EXOC4: variants seen among roughly 807,000 people sequenced by gnomAD.
The protein encoded by EXOC4 is exocyst complex component 4.
A neutral mutation model predicts 107.2 loss-of-function variants in EXOC4; 71 were observed. The ratio of observed to expected loss-of-function variants is 0.66; its 90% CI spans 0.55 to 0.81. The LOEUF (loss-of-function observed/expected upper bound fraction) is 0.81. Among genes scored for constraint, EXOC4 ranks in the 30% least tolerant of loss-of-function variants. EXOC4 has a pLI of 0.00. For synonymous variants in EXOC4, 456 were observed against 441.2 expected, an observed-to-expected ratio of 1.03 and a Z score of -0.42; for missense variants, 1,108 against 1,189.6, an observed-to-expected ratio of 0.93 and a Z score of 1.01.
At chr7:134,044,013 C>A (rs768165327) in intron 17 of EXOC4, among the ~76,000 whole-genome samples, 6 of 152,312 alleles carry the variant, frequency 3.9e-5, no homozygotes, top group African/African-American at 7.2e-5. Context: ...GGAACTGGAT[C>A]AGCAGTTTGG....
At chr7:133,728,911 GA>G (rs1251261631) in intron 10 of EXOC4, among the ~76,000 whole-genome samples, 1 of 152,134 alleles carries the variant, frequency 6.6e-6, no homozygotes, top group African/African-American at 2.4e-5. Flanking sequence ...TTAGCTATTA[GA>G]AAGCCTTCCT....
chr7:133,446,769 C>T (rs1330682921), intron 7 of EXOC4, among the ~76,000 whole-genome samples: 5 of 152,174 alleles, frequency 3.3e-5, no homozygotes, highest in Admixed American at 3.3e-4. Flanking sequence ...CCAGTAGTCA[C>T]TGAGAGGACT....
chr7:133,912,234 A>G (rs1367111115), intron 12 of EXOC4, among the ~76,000 whole-genome samples: 1 of 152,120 alleles, frequency 6.6e-6, no homozygotes, highest in African/African-American at 2.4e-5. Flanking sequence ...CCAAAGGGAG[A>G]GATCATTGTA....
At chr7:133,727,388 CT>C in intron 10 of EXOC4, 1 of 159,114 alleles carries the variant, frequency 6.3e-6, no homozygotes. Context: ...GGGACACCAC[CT>C]TCTAATGGAT....
intron 7 of EXOC4, among the ~76,000 whole-genome samples, chr7:133,443,055 T>C (rs1311504645): frequency 6.6e-6 from 1 of 151,970 alleles, no homozygotes; most frequent in African/African-American, 2.4e-5. Flanking sequence ...AGTAGTGGAG[T>C]GAGAAGCCCC....
intron 9 of EXOC4, among the ~76,000 whole-genome samples, chr7:133,572,308 T>A (rs1801040315): frequency 6.6e-6 from 1 of 152,166 alleles, no homozygotes; most frequent in African/African-American, 2.4e-5. Flanking sequence ...GCTTTGTCAA[T>A]TCCTCCAAAT....
chr7:133,620,835 GAGA>G (rs1190512246), intron 9 of EXOC4, among the ~76,000 whole-genome samples: 2 of 152,208 alleles, frequency 1.3e-5, no homozygotes, highest in African/African-American at 2.4e-5. Flanking sequence ...AGAGTGGAAA[GAGA>G]AGAATTACTG....
At chr7:133,669,196 G>A (rs1401456745) in intron 10 of EXOC4, among the ~76,000 whole-genome samples, 1 of 151,988 alleles carries the variant, frequency 6.6e-6, no homozygotes, top group Non-Finnish European at 1.5e-5. Context: ...TGGAGGGAGG[G>A]GTAAGGAGCC....
intron 17 of EXOC4, among the ~76,000 whole-genome samples, chr7:134,063,470 C>A (rs182623095): frequency 1.8e-3 from 271 of 152,290 alleles, no homozygotes; most frequent in Middle Eastern, 0.01. Flanking sequence ...TGGTCAGTCC[C>A]TGTCTTTGTG....
intron 14 of EXOC4, among the ~76,000 whole-genome samples, chr7:133,941,298 A>G (rs1475556036): frequency 2.6e-5 from 4 of 152,104 alleles, no homozygotes; most frequent in African/African-American, 9.7e-5. Context: ...CGCCTGGCCG[A>G]AAATTATTTT....
intron 10 of EXOC4, among the ~76,000 whole-genome samples, chr7:133,679,969 G>A (rs1011827527): frequency 6.6e-6 from 1 of 152,128 alleles, no homozygotes; most frequent in African/African-American, 2.4e-5. Flanking sequence ...TATAAATTGG[G>A]TGAAAGTCCT....
intron 11 of EXOC4, 132 bp downstream of exon 11, chr7:133,817,676 GGC>G (rs1797406211): frequency 2.8e-5 from 18 of 633,288 alleles, no homozygotes; most frequent in Non-Finnish European, 4.3e-5. Flanking sequence ...AAAATAAATA[GGC>G]ACTAGGGAAA....
At chr7:133,594,519 G>A (rs959326660) in intron 9 of EXOC4, among the ~76,000 whole-genome samples, 18 of 12,030 alleles carry the variant, frequency 1.5e-3, no homozygotes, top group African/African-American at 3.9e-3. Flanking sequence ...TTTTTGAGAC[G>A]GAGTCTCGCT....
intron 7 of EXOC4, among the ~76,000 whole-genome samples, chr7:133,421,261 A>G (rs2150759238): frequency 6.6e-6 from 1 of 152,234 alleles, no homozygotes; most frequent in East Asian, 1.9e-4. Context: ...CCTTCCTACC[A>G]ATAGTAGTGT....
intron 7 of EXOC4, among the ~76,000 whole-genome samples, chr7:133,457,136 G>A (rs2150818251): frequency 6.6e-6 from 1 of 152,296 alleles, no homozygotes; most frequent in South Asian, 2.1e-4. Context: ...ATTTGATTTA[G>A]TGAAGGGAAA....
In EXOC4 at chr7:133,790,173, G is replaced by A. The variant is rs114744596; in HGVS notation, c.1515-27152G>A. On this transcript the variant is annotated intron_variant, in intron 10 of 17. Coordinates refer to ENST00000253861, the MANE Select transcript of EXOC4 (RefSeq NM_021807.4). The stretch of plus-strand genomic sequence containing the variant: ...TGGTCAATGAATCAGTGGTTGCTGA[G>A]TGAACTGCACTTCCCCCAGCTGGAG... 2.4e-3 allele frequency among the ~76,000 whole-genome samples: 362 copies of A among 152,324 alleles called. 5 individuals carry two copies. The highest frequency in any genetic ancestry group is 8.1e-3 in the African/African-American group (338 of 41,568).
chr7:134,069,373 T>TCTC (rs1164902242), downstream of EXOC4, among the ~76,000 whole-genome samples: 3 of 116,178 alleles, frequency 2.6e-5, no homozygotes. Flanking sequence ...TCCTCCCTCT[T>TCTC]CTCCTCCTTC....
rs893749396 is a variant in EXOC4 at position 133,678,674 on chromosome 7, G to A, written c.1514+48533G>A. On this transcript the variant is annotated intron_variant, in intron 10 of 17. Transcript: ENST00000253861. The stretch of plus-strand genomic sequence containing the variant: ...TGCCCAGGCTGGAGTACAGTGGTAT[G>A]AACACAACTCCCTGTATCCTCAACC... 2.6e-5 allele frequency among the ~76,000 whole-genome samples: 4 copies of A among 151,436 alleles called. No individual in the cohort carries two copies. In the East Asian group the frequency reaches 5.9e-4, roughly 22 times the overall value.
At chr7:133,773,449 T>C (rs1796284479) in intron 10 of EXOC4, among the ~76,000 whole-genome samples, 1 of 148,982 alleles carries the variant, frequency 6.7e-6, no homozygotes, top group South Asian at 2.1e-4. Context: ...TGTTAATCTG[T>C]GTATTTACTA....
Sources: gnomAD v4.1 joint callset for allele counts (sites outside exome capture counted in the v4.1 genomes callset) on GRCh38, gnomAD v4.1.1 for gene constraint, MANE v1.5 for transcripts, NCBI Gene and HGNC (gene_info 2026-07-23, HGNC 2026-07-21) for gene names.